The following PIBF1 variants were observed in gnomAD, a reference collection of about 807,000 sequenced individuals.
PIBF1 encodes progesterone immunomodulatory binding factor 1.
PIBF1 carries 90 observed loss-of-function variants against 112.5 expected under a neutral mutation model. The ratio of observed to expected loss-of-function variants is 0.80; its 90% CI spans 0.67 to 0.95. PIBF1 has a LOEUF of 0.95. PIBF1 is among the 40% of genes least tolerant of loss of function. PIBF1 has a pLI of 0.00. For missense variants in PIBF1, 915 were observed against 852.3 expected (o/e 1.07, Z -0.92); for synonymous variants, 301 against 288.6 (o/e 1.04, Z -0.44).
chr13:72,801,818 A>G (rs1168941338), intron 5 of PIBF1, among the ~76,000 whole-genome samples: 12 of 152,224 alleles, frequency 7.9e-5, no homozygotes, highest in Admixed American at 2.6e-4. Context: ...CATGGGAACC[A>G]TATGAAGTGT....
At chr13:72,910,340 A>G (rs1239434433) in intron 12 of PIBF1, among the ~76,000 whole-genome samples, 1 of 152,114 alleles carries the variant, frequency 6.6e-6, no homozygotes, top group Non-Finnish European at 1.5e-5. Flanking sequence ...TGACTTCATG[A>G]TTAGACTCAT....
intron 17 of PIBF1, among the ~76,000 whole-genome samples, chr13:73,011,662 A>G (rs994069253): frequency 1.3e-5 from 2 of 152,188 alleles, no homozygotes; most frequent in African/African-American, 4.8e-5. Context: ...GGCACACTCT[A>G]ACTGAAAGAC....
chr13:72,904,539 C>G (rs1441032539), intron 11 of PIBF1, among the ~76,000 whole-genome samples: 2 of 143,504 alleles, frequency 1.4e-5, no homozygotes, highest in Non-Finnish European at 3.0e-5. Flanking sequence ...CTCCCAGGTT[C>G]AAGCGATTCT....
intron 16 of PIBF1, among the ~76,000 whole-genome samples, chr13:72,990,086 C>T (rs2043424724): frequency 6.6e-6 from 1 of 151,512 alleles, no homozygotes; most frequent in African/African-American, 2.4e-5. Context: ...TGGTGGTGCA[C>T]ACCTGTAGTC....
chr13:72,837,478 G>T (rs1050733340), intron 9 of PIBF1, among the ~76,000 whole-genome samples: 1 of 151,902 alleles, frequency 6.6e-6, no homozygotes, highest in Non-Finnish European at 1.5e-5. Context: ...TGTTATGATT[G>T]TTCTCTTTTT....
At position 73,016,396 on chromosome 13, in the gene PIBF1, A is replaced by G. The variant is rs1448874207; in HGVS notation, c.*477A>G. 1 of 152,082 alleles carries G rather than the reference A, an allele frequency of 6.6e-6. No homozygotes were observed. Among genetic ancestry groups the G allele is most frequent in the Non-Finnish European group, 1.5e-5 (1 of 68,018 alleles). 9.4% of individuals were successfully genotyped at this position (152,082 alleles called of 1,614,324 possible). A position where few individuals can be genotyped will look rare whatever the true frequency, so the allele number is the denominator to read the frequency against. On this transcript the variant is annotated 3_prime_UTR_variant, in exon 18 of 18. Coordinates refer to ENST00000326291, the MANE Select transcript of PIBF1 (RefSeq NM_006346.4). ...TCTTTTGAAGTTGTTTTTTTCTTAT[A>G]TTTTATATTACCATTAACCAATAAA... is the stretch of plus-strand genomic sequence containing the variant.
chr13:72,954,905 T>C (rs2042400655), intron 14 of PIBF1, among the ~76,000 whole-genome samples: 1 of 152,208 alleles, frequency 6.6e-6, no homozygotes, highest in Non-Finnish European at 1.5e-5. Flanking sequence ...CACCATCATG[T>C]CTTGGTATCC....
chr13:72,787,809 C>T (rs2034683209), intron 2 of PIBF1, among the ~76,000 whole-genome samples: 1 of 152,080 alleles, frequency 6.6e-6, no homozygotes, highest in Non-Finnish European at 1.5e-5. Flanking sequence ...TAGGCCCGTG[C>T]CACAACGCCC....
At chr13:72,915,759 T>C (rs2041069485) in intron 12 of PIBF1, among the ~76,000 whole-genome samples, 1 of 152,182 alleles carries the variant, frequency 6.6e-6, no homozygotes, top group Non-Finnish European at 1.5e-5. Flanking sequence ...AAGCTAATCC[T>C]GATTCACCAT....
chr13:72,915,211 C>T (rs531932023), intron 12 of PIBF1, among the ~76,000 whole-genome samples: 1 of 152,096 alleles, frequency 6.6e-6, no homozygotes, highest in Non-Finnish European at 1.5e-5. Flanking sequence ...ACTTCACATA[C>T]CTTACAAGTC....
chr13:72,938,038 CA>C (rs1242319225), intron 14 of PIBF1, among the ~76,000 whole-genome samples: 1 of 152,034 alleles, frequency 6.6e-6, no homozygotes, highest in Non-Finnish European at 1.5e-5. Flanking sequence ...CTGTATATAG[CA>C]AAAAGTTGCT....
At position 72,856,480 on chromosome 13, in the gene PIBF1, G is replaced by C. The variant is rs540251573; in HGVS notation, c.1322+2325G>C. Among the ~76,000 whole-genome samples, 9 of 151,756 alleles carry C rather than the reference G, an allele frequency of 5.9e-5. No individual in the cohort carries two copies. The East Asian group carries it at 1.7e-3, about 29-fold the overall frequency. ...TGTGATAGTTTTAAAATCAAGACAA[G>C]GAAAAAAAGGTGTTTCTAGACACCA... is the stretch of plus-strand genomic sequence containing the variant. On this transcript the variant is annotated intron_variant, in intron 10 of 17. Transcript: ENST00000326291.
intron 8 of PIBF1, among the ~76,000 whole-genome samples, chr13:72,834,662 C>A (rs1012880389): frequency 5.9e-5 from 9 of 151,756 alleles, no homozygotes; most frequent in African/African-American, 2.2e-4. Flanking sequence ...ACAAATTTTA[C>A]CTTAAAGGTA....
At chr13:72,797,506 C>T (rs1490523119) in intron 4 of PIBF1, among the ~76,000 whole-genome samples, 1 of 152,068 alleles carries the variant, frequency 6.6e-6, no homozygotes, top group Non-Finnish European at 1.5e-5. Flanking sequence ...GGTCAGAGAC[C>T]TATAGGGAGA....
Position 72,976,282 on chromosome 13 carries a change from G to A in PIBF1, c.2049+2607G>A, listed in dbSNP as rs962995496. ...TAGTGCAACCCTATCTTTTAAAAAA[G>A]AAAGAAAGAGAAAGAGGGAGGGAGG... On this transcript the variant is annotated intron_variant, in intron 16 of 17. Transcript: ENST00000326291. 4.7e-5 allele frequency among the ~76,000 whole-genome samples: 7 copies of A among 148,710 alleles called. No homozygotes were observed. In the Admixed American group the frequency reaches 4.8e-4, roughly 10 times the overall value.
At chr13:72,819,203 G>C (rs2036432036) in intron 5 of PIBF1, among the ~76,000 whole-genome samples, 1 of 152,086 alleles carries the variant, frequency 6.6e-6, no homozygotes, top group Non-Finnish European at 1.5e-5. Flanking sequence ...GCTGTGGCCT[G>C]TAGCAAATTG....
intron 14 of PIBF1, among the ~76,000 whole-genome samples, chr13:72,940,409 T>C (rs1377009094): frequency 6.6e-6 from 1 of 152,172 alleles, no homozygotes; most frequent in Non-Finnish European, 1.5e-5. Flanking sequence ...AACTTTATTT[T>C]CTGGAATATG....
chr13:72,802,687 A>G (rs2035542356), intron 5 of PIBF1, among the ~76,000 whole-genome samples: 1 of 152,132 alleles, frequency 6.6e-6, no homozygotes, highest in Non-Finnish European at 1.5e-5. Flanking sequence ...AGTTTGAGAG[A>G]TCTGTTAGAT....
Position 72,783,519 on chromosome 13 carries a change from C to T in PIBF1, c.50C>T (p.Ser17Phe). The T allele has an allele frequency of 6.2e-7, 1 of 1,612,364 alleles. No individual in the cohort carries two copies. Among genetic ancestry groups the T allele is most frequent in the Non-Finnish European group, 8.5e-7 (1 of 1,178,478 alleles). ...TCAAAAAAAGTGAACATCTCTAGTT[C>T]TCTGGAATCTGAAGATATTAGTTTA... ...KESKKVNISSSLESEDISLET... is the reference protein window; with the variant it reads ...KESKKVNISSFLESEDISLET... Residue 17 changes from serine to phenylalanine, a missense_variant, in exon 2 of 18, where the codon TCT becomes TTT. Physicochemically the swap from Ser to Phe is radical, Grantham distance 155. Coordinates refer to ENST00000326291, the MANE Select transcript of PIBF1 (RefSeq NM_006346.4).
Sources: gnomAD v4.1 joint callset for allele counts (sites outside exome capture counted in the v4.1 genomes callset) on GRCh38, gnomAD v4.1.1 for gene constraint, MANE v1.5 for transcripts, NCBI Gene and HGNC (gene_info 2026-07-23, HGNC 2026-07-21) for gene names.